The following FOXN3 variants were observed in gnomAD, a reference collection of about 807,000 sequenced individuals.
FOXN3 encodes forkhead box protein N3.
Under a neutral mutation model 38.4 loss-of-function variants are expected in FOXN3, and 7 were observed. The ratio of observed to expected loss-of-function variants is 0.18; its 90% CI spans 0.10 to 0.34. FOXN3 has a LOEUF of 0.34. FOXN3 is among the 10% of genes least tolerant of loss of function. FOXN3 has a pLI of 1.00. For synonymous variants in FOXN3, 230 were observed against 242.2 expected (o/e 0.95, Z 0.47); for missense variants, 456 against 613.4 (o/e 0.74, Z 2.71).
At chr14:89,592,960 C>T (rs1001009080) in intron 1 of FOXN3, among the ~76,000 whole-genome samples, 13 of 146,760 alleles carry the variant, frequency 8.9e-5, no homozygotes, top group African/African-American at 2.0e-4. Flanking sequence ...ATTGAAAGTC[C>T]GCTGGAAGGC....
upstream of FOXN3, among the ~76,000 whole-genome samples, chr14:89,418,221 G>C (rs1393302662): frequency 6.6e-6 from 1 of 152,098 alleles, no homozygotes. Context: ...GAAGCCCAGG[G>C]CACCCTTCCT....
At chr14:89,366,636 G>C (rs1386109298) in intron 2 of FOXN3, among the ~76,000 whole-genome samples, 1 of 152,194 alleles carries the variant, frequency 6.6e-6, no homozygotes, top group Non-Finnish European at 1.5e-5. Context: ...TCAAGGCCTA[G>C]TAAAAGAATT....
At chr14:89,175,359 C>T (rs1325345113) in intron 5 of FOXN3, among the ~76,000 whole-genome samples, 1 of 152,164 alleles carries the variant, frequency 6.6e-6, no homozygotes, top group Non-Finnish European at 1.5e-5. Context: ...AAGCCAATGG[C>T]TTTGCCAACA....
intron 4 of FOXN3, among the ~76,000 whole-genome samples, chr14:89,254,854 C>T (rs1885568727): frequency 6.6e-6 from 1 of 152,192 alleles, no homozygotes; most frequent in South Asian, 2.1e-4. Flanking sequence ...CTGACCACAC[C>T]TTTGCCACTG....
intron 3 of FOXN3, among the ~76,000 whole-genome samples, chr14:89,350,052 T>TA (rs1888906514): frequency 6.6e-6 from 1 of 152,188 alleles, no homozygotes; most frequent in Admixed American, 6.5e-5. Context: ...AGACACTTTT[T>TA]AAAAAAGTGA....
chr14:89,177,912 C>A (rs1262468491), intron 5 of FOXN3, among the ~76,000 whole-genome samples: 5 of 152,170 alleles, frequency 3.3e-5, no homozygotes, highest in Non-Finnish European at 7.3e-5. Context: ...TGGTAGCTGC[C>A]TCCTGCAATG....
intron 3 of FOXN3, among the ~76,000 whole-genome samples, chr14:89,332,209 C>T (rs974478288): frequency 6.6e-6 from 1 of 152,078 alleles, no homozygotes; most frequent in Admixed American, 6.5e-5. Context: ...TGTTGAACAG[C>T]GCAGAGAGGG....
At chr14:89,606,748 G>A (rs899748370) in intron 1 of FOXN3, among the ~76,000 whole-genome samples, 1 of 152,178 alleles carries the variant, frequency 6.6e-6, no homozygotes, top group Non-Finnish European at 1.5e-5. Context: ...TACTCAGGAG[G>A]CTGAGGCAGG....
At chr14:89,332,228 C>G (rs550170455) in intron 3 of FOXN3, among the ~76,000 whole-genome samples, 208 of 152,130 alleles carry the variant, frequency 1.4e-3, no homozygotes, top group African/African-American at 4.3e-3. Context: ...GGGCAGACAC[C>G]CTGCACAGTT....
At chr14:89,415,322 T>C (rs1891664310) in intron 1 of FOXN3, among the ~76,000 whole-genome samples, 1 of 152,220 alleles carries the variant, frequency 6.6e-6, no homozygotes. Context: ...ATTTGCTTAT[T>C]TGTCAGTAGC....
chr14:89,396,883 T>C (rs1596250762), intron 2 of FOXN3, among the ~76,000 whole-genome samples: 1 of 151,610 alleles, frequency 6.6e-6, no homozygotes, highest in Admixed American at 6.6e-5. Flanking sequence ...CAGTAGACTT[T>C]TTTTTTTTTC....
At position 89,446,242 on chromosome 14, in the gene FOXN3, G is replaced by A. The variant is rs540590264; in HGVS notation, c.-14-33752C>T. 2.4e-5 allele frequency among the ~76,000 whole-genome samples: 3 copies of A among 123,004 alleles called. No homozygotes were observed. In the South Asian group the frequency reaches 8.6e-4, roughly 35 times the overall value. The allele number at this position is 123,004 out of a possible 152,430, so 80.7% of individuals were successfully genotyped here. A position where few individuals can be genotyped will look rare whatever the true frequency, so the allele number is the denominator to read the frequency against. On this transcript the variant is annotated intron_variant, in intron 1 of 6. Coordinates refer to the FOXN3 transcript ENST00000345097. The stretch of plus-strand genomic sequence containing the variant: ...CTCACTCTGTTCCCCATGCTGGAGT[G>A]CGAAGGCCCAATCTCGGCTCACTGC...
chr14:89,539,522 T>C (rs902846474), intron 1 of FOXN3, among the ~76,000 whole-genome samples: 1 of 152,118 alleles, frequency 6.6e-6, no homozygotes, highest in East Asian at 1.9e-4. Context: ...GGCTCATAAG[T>C]AGGGTCGATA....
In FOXN3 at chr14:89,434,902, T is replaced by G. The variant is rs4904577; in HGVS notation, c.-14-22412A>C. ...GCCAGTTTAGAAACACCACTGACCCTCACACCAGAACTACTTTCCAAAAGC... is the reference window on the plus strand; with the variant it reads ...GCCAGTTTAGAAACACCACTGACCCGCACACCAGAACTACTTTCCAAAAGC... On this transcript the variant is annotated intron_variant, in intron 1 of 6. Transcript: ENST00000345097. Among the ~76,000 whole-genome samples, 2 of 152,322 alleles carry G rather than the reference T, an allele frequency of 1.3e-5. 1 individual carries two copies. The highest frequency in any genetic ancestry group is 4.1e-4 in the South Asian group (2 of 4,828).
At chr14:89,243,014 C>T (rs1458339874) in intron 4 of FOXN3, among the ~76,000 whole-genome samples, 1 of 152,116 alleles carries the variant, frequency 6.6e-6, no homozygotes, top group Non-Finnish European at 1.5e-5. Flanking sequence ...CCGAGTCCTG[C>T]CCCCTGATGG....
chr14:89,409,071 CAAGA>C (rs1433459129), intron 2 of FOXN3, among the ~76,000 whole-genome samples: 1 of 152,106 alleles, frequency 6.6e-6, no homozygotes. Flanking sequence ...TGGGGGAACC[CAAGA>C]AAGAGGAGAA....
chr14:89,502,388 T>C (rs937554310), intron 1 of FOXN3, among the ~76,000 whole-genome samples: 2 of 152,236 alleles, frequency 1.3e-5, no homozygotes, highest in African/African-American at 2.4e-5. Flanking sequence ...TTGAAGCAAA[T>C]GTTGAGCTCT....
chr14:89,617,199 T>C (rs924148049), intron 1 of FOXN3, among the ~76,000 whole-genome samples: 1 of 152,230 alleles, frequency 6.6e-6, no homozygotes, highest in Admixed American at 6.5e-5. Context: ...TGTTTATACA[T>C]TTAACAACTT....
intron 1 of FOXN3, among the ~76,000 whole-genome samples, chr14:89,473,073 G>A (rs1596288551): frequency 6.6e-6 from 1 of 151,788 alleles, no homozygotes; most frequent in East Asian, 1.9e-4. Context: ...CACCCAGGCT[G>A]GAGTGCAGTG....
Sources: allele counts gnomAD v4.1 joint callset (sites outside exome capture counted in the v4.1 genomes callset), GRCh38; gene constraint gnomAD v4.1.1; transcripts MANE v1.5; gene names NCBI Gene and HGNC (gene_info 2026-07-23, HGNC 2026-07-21).